LOXL2: variants seen among roughly 807,000 people sequenced by gnomAD.
The protein encoded by LOXL2 is lysyl oxidase homolog 2.
Under a neutral mutation model 93.0 loss-of-function variants are expected in LOXL2, and 70 were observed. The observed-to-expected ratio is 0.75, with a 90% confidence interval of 0.62 to 0.92. The LOEUF (loss-of-function observed/expected upper bound fraction) is 0.92, where lower values mean the gene tolerates loss of function less well. Among genes scored for constraint, LOXL2 ranks in the 40% least tolerant of loss-of-function variants. LOXL2 has a pLI of 0.00. For missense variants in LOXL2, 973 were observed against 1,054.9 expected (o/e 0.92, Z 1.08); for synonymous variants, 438 against 413.2 (o/e 1.06, Z -0.73).
chr8:23,351,818 G>A (rs1018371999), intron 3 of LOXL2, among the ~76,000 whole-genome samples: 16 of 152,078 alleles, frequency 1.1e-4, no homozygotes, highest in African/African-American at 2.9e-4. Context: ...AAATAGAATC[G>A]CGGAATGTGA....
intron 4 of LOXL2, among the ~76,000 whole-genome samples, chr8:23,335,784 C>T (rs922445005): frequency 2.0e-5 from 3 of 152,140 alleles, no homozygotes; most frequent in Non-Finnish European, 4.4e-5. Context: ...CTGGAAGTAC[C>T]TCCTTTGTCT....
Position 23,297,849 on chromosome 8 carries a change from T to G in LOXL2, c.*194A>C. ...GCAAGGCCTTCTCAGGCCCCAAGGG[T>G]CAGGTAGCAGCCCCCCATGAATGAT... On this transcript the variant is annotated 3_prime_UTR_variant, in exon 14 of 14. Coordinates refer to ENST00000389131, the MANE Select transcript of LOXL2 (RefSeq NM_002318.3). 7.3e-6 allele frequency: 4 copies of G among 548,984 alleles called. No individual in the cohort carries two copies. Among genetic ancestry groups the G allele is most frequent in the Admixed American group, 3.2e-5 (1 of 31,276 alleles). The allele number at this position is 548,984 out of a possible 1,614,324, so 34.0% of individuals were successfully genotyped here. A position where few individuals can be genotyped will look rare whatever the true frequency, so the allele number is the denominator to read the frequency against.
intron 6 of LOXL2, among the ~76,000 whole-genome samples, chr8:23,327,324 C>T (rs1803595276): frequency 6.6e-6 from 1 of 152,212 alleles, no homozygotes; most frequent in Admixed American, 6.5e-5. Context: ...CACAGAAAAC[C>T]ACTGGATGTG....
intron 1 of LOXL2, among the ~76,000 whole-genome samples, chr8:23,395,431 GCGGTGGTGGCTAA>G: frequency 6.6e-6 from 1 of 152,180 alleles, no homozygotes; most frequent in South Asian, 2.1e-4. Context: ...GGGAGGATAG[GCGGTGGTGGCTAA>G]CGGATATGGA....
At chr8:23,371,066 A>G (rs997415546) in intron 1 of LOXL2, 1 of 152,270 alleles carries the variant, frequency 6.6e-6, no homozygotes, top group Non-Finnish European at 1.5e-5. Flanking sequence ...AGGGTAGAGG[A>G]GCTGAGTTAC....
At position 23,404,049 on chromosome 8, in the gene LOXL2, A is replaced by C. The variant is rs966867858; in HGVS notation, c.-179T>G. 1 of 202,416 alleles carries C rather than the reference A, an allele frequency of 4.9e-6. No individual in the cohort carries two copies. Among genetic ancestry groups the C allele is most frequent in the Non-Finnish European group, 1.1e-5 (1 of 94,728 alleles). 12.5% of individuals were successfully genotyped at this position (202,416 alleles called of 1,614,324 possible). On this transcript the variant is annotated 5_prime_UTR_variant, in exon 1 of 14. Coordinates refer to ENST00000389131, the MANE Select transcript of LOXL2 (RefSeq NM_002318.3). ...GCCGCTGAGCCCCTTTCTCGAGCAGAGGGGGCGGCTCTGGTCTCCGATGGC... is the reference window on the plus strand; with the variant it reads ...GCCGCTGAGCCCCTTTCTCGAGCAGCGGGGGCGGCTCTGGTCTCCGATGGC...
chr8:23,305,387 C>T lies in LOXL2; in HGVS notation c.1881-1990G>A, dbSNP rs532212285. 3.9e-4 allele frequency among the ~76,000 whole-genome samples: 60 copies of T among 152,304 alleles called. No homozygotes were observed. The South Asian group carries it at 0.012, about 31-fold the overall frequency. On this transcript the variant is annotated intron_variant, in intron 10 of 13. Transcript: ENST00000389131. ...AGGGGAGCAGCTGGTTTCATGGCCT[C>T]CCAGTTTTCCCTGGCTTCTGTCCTG...
rs1315502930 is a variant in LOXL2, at chr8:23,302,055, T to C, written c.2105A>G (p.Asp702Gly). The change falls in exon 12 of 14, where the codon GAC (aspartate) becomes GGC (glycine). Residue 702 changes from aspartate (D) to glycine (G), a missense_variant. Coordinates refer to ENST00000389131, the MANE Select transcript of LOXL2 (RefSeq NM_002318.3). ...DIDCQWVDIT[D>G]VPPGDYLFQV... ...GAACAGGTAGTCTCCAGGGGGCACG[T>C]CAGTGATGTCAACCCACTGGCAGTC... The C allele has an allele frequency of 3.1e-6, 5 of 1,614,144 alleles. No homozygotes were observed. Among genetic ancestry groups the C allele is most frequent in the Middle Eastern group, 1.6e-4 (1 of 6,062 alleles).
At chr8:23,372,884 CTT>C (rs1271914116) in intron 1 of LOXL2, among the ~76,000 whole-genome samples, 1 of 152,130 alleles carries the variant, frequency 6.6e-6, no homozygotes, top group Non-Finnish European at 1.5e-5. Context: ...AATTAACAAA[CTT>C]AACCTAATTC....
chr8:23,310,410 G>C (rs1400987046), intron 9 of LOXL2, among the ~76,000 whole-genome samples: 1 of 152,180 alleles, frequency 6.6e-6, no homozygotes, highest in Admixed American at 6.5e-5. Flanking sequence ...GTATAATATT[G>C]TCTGTGGATT....
rs1803069782 is a variant in LOXL2, at chr8:23,298,136, A to C, written c.2246-14T>G. ...TGAAGGAACCACCTGAAGAGCGAGA[A>C]TCGGGTAGAGAGAGTGGACAAATGA... On this transcript the variant is annotated splice_polypyrimidine_tract_variant and intron_variant, in intron 13 of 13. Transcript: ENST00000389131. The C allele has an allele frequency of 6.2e-7, 1 of 1,608,214 alleles. No individual in the cohort carries two copies.
intron 1 of LOXL2, among the ~76,000 whole-genome samples, chr8:23,383,467 T>C (rs1052831185): frequency 3.9e-5 from 6 of 152,254 alleles, no homozygotes; most frequent in Admixed American, 6.5e-5. Flanking sequence ...TTAGTAAATA[T>C]TGGCCGAGTG....
At chr8:23,328,613 A>C (rs1194153385) in intron 5 of LOXL2, 48 bp from the exon 6 acceptor site, 1 of 1,584,134 alleles carries the variant, frequency 6.3e-7, no homozygotes. Flanking sequence ...ATGCACGTTC[A>C]GCGGGTGACC....
chr8:23,305,796 G>A (rs1803220625), intron 10 of LOXL2, among the ~76,000 whole-genome samples: 1 of 150,000 alleles, frequency 6.7e-6, no homozygotes, highest in Non-Finnish European at 1.5e-5. Flanking sequence ...TGAGACTCCA[G>A]AGCTCAATGC....
intron 1 of LOXL2, chr8:23,385,867 CT>C (rs1804752151): frequency 1.4e-6 from 1 of 724,590 alleles, no homozygotes; most frequent in Non-Finnish European, 2.5e-6. Flanking sequence ...GTTTTGCGTT[CT>C]TTTTTCTTTT....
Position 23,303,272 on chromosome 8 carries a change from G to A in LOXL2, c.1996+10C>T, listed in dbSNP as rs529246921. 25 of 1,576,380 alleles carry A rather than the reference G, an allele frequency of 1.6e-5. 1 individual carries two copies. Among genetic ancestry groups the A allele is most frequent in the Middle Eastern group, 1.7e-4 (1 of 6,002 alleles). ...CTGAGGCCTCCCATCCCCCCACTCC[G>A]CTCAGATACCTCCTTCACATTCTGT... On this transcript the variant is annotated intron_variant, in intron 11 of 13. Transcript: ENST00000389131.
rs565692524 is a variant in LOXL2, at chr8:23,399,220, G to A, written c.-84+4734C>T. On this transcript the variant is annotated intron_variant, in intron 1 of 13. Transcript: ENST00000389131. Reference sequence around the variant, plus strand: ...CCAGGGTGTGACTGCCATGCAGACCGACCACAAAAGCCTTTCTCCAGGGGG... The same window carrying A: ...CCAGGGTGTGACTGCCATGCAGACCAACCACAAAAGCCTTTCTCCAGGGGG... 3.3e-5 allele frequency among the ~76,000 whole-genome samples: 5 copies of A among 152,328 alleles called. No homozygotes were observed. The South Asian group carries it at 6.2e-4, about 19-fold the overall frequency.
chr8:23,352,467 A>G (rs1457696464), intron 3 of LOXL2, among the ~76,000 whole-genome samples: 1 of 152,188 alleles, frequency 6.6e-6, no homozygotes, highest in Non-Finnish European at 1.5e-5. Context: ...AGTCAGGAGA[A>G]GGATGAGATT....
chr8:23,330,901 CTG>C (rs1803665560), intron 5 of LOXL2, among the ~76,000 whole-genome samples: 2 of 152,082 alleles, frequency 1.3e-5, no homozygotes, highest in South Asian at 4.1e-4. Context: ...GTGGTCCCCT[CTG>C]TGCTCTTCAG....
Sources: gnomAD v4.1 joint callset for allele counts (sites outside exome capture counted in the v4.1 genomes callset) on GRCh38, gnomAD v4.1.1 for gene constraint, MANE v1.5 for transcripts, NCBI Gene and HGNC (gene_info 2026-07-23, HGNC 2026-07-21) for gene names.